B4GALT6: variants seen among roughly 807,000 people sequenced by gnomAD.
B4GALT6 encodes UDP-Gal:beta-GlcNAc beta-1,4-galactosyltransferase 6.
In B4GALT6, 14 loss-of-function variants were observed where a neutral mutation model predicts 46.3. The observed-to-expected ratio is 0.30, with a 90% CI of 0.20 to 0.47. The LOEUF is 0.47. Ranked by LOEUF, B4GALT6 falls within the 20% of genes least tolerant of loss-of-function variation. B4GALT6 has a pLI of 0.99. For synonymous variants in B4GALT6, 168 were observed against 162.0 expected, an observed-to-expected ratio of 1.04 and a Z score of -0.28; for missense variants, 386 against 480.1, an observed-to-expected ratio of 0.80 and a Z score of 1.83.
intron 1 of B4GALT6, among the ~76,000 whole-genome samples, chr18:31,683,695 C>G (rs1489024137): frequency 2.0e-5 from 3 of 152,132 alleles, no homozygotes; most frequent in Non-Finnish European, 4.4e-5. Context: ...GTCATCCTAA[C>G]AGGTAGCAAA....
the B4GALT6 span, among the ~76,000 whole-genome samples, chr18:31,708,819 A>G: frequency 3.9e-5 from 6 of 152,140 alleles, no homozygotes; most frequent in Non-Finnish European, 7.4e-5. Flanking sequence ...GGTGATGGCA[A>G]TGGGGGAGAG....
rs2144649463 is a variant in B4GALT6, at chr18:31,658,289, T to C, written c.233-200A>G. ...TCTCAGCATGATTTCCCAAGAGACATCTAGAGAGCAGCACACCCTTATCCT... is the reference window on the plus strand; with the variant it reads ...TCTCAGCATGATTTCCCAAGAGACACCTAGAGAGCAGCACACCCTTATCCT... On this transcript the variant is annotated intron_variant, in intron 2 of 8. Transcript: ENST00000306851. 8.3e-6 allele frequency: 4 copies of C among 481,238 alleles called. No homozygotes were observed. The East Asian group carries it at 1.4e-4, about 17-fold the overall frequency. The allele number at this position is 481,238 out of a possible 1,614,324, so 29.8% of individuals were successfully genotyped here. A position where few individuals can be genotyped will look rare whatever the true frequency, so the allele number is the denominator to read the frequency against.
chr18:31,626,094 C>T (rs371815553), intron 8 of B4GALT6, among the ~76,000 whole-genome samples, 189 bp downstream of exon 8: 134 of 152,226 alleles, frequency 8.8e-4, no homozygotes, highest in Non-Finnish European at 1.4e-3. Context: ...TGTATATATA[C>T]GTATATCTCT....
At chr18:31,646,281 G>T (rs753568101) in intron 3 of B4GALT6, among the ~76,000 whole-genome samples, 1 of 152,206 alleles carries the variant, frequency 6.6e-6, no homozygotes, top group Non-Finnish European at 1.5e-5. Context: ...ATTACTGGAG[G>T]TGTTCTTACT....
At chr18:31,696,988 C>T in the B4GALT6 span, among the ~76,000 whole-genome samples, 1 of 152,244 alleles carries the variant, frequency 6.6e-6, no homozygotes, top group Admixed American at 6.5e-5. Context: ...CCAGCTAGGC[C>T]AGGCGCGGTG....
At chr18:31,716,916 A>G in the B4GALT6 span, among the ~76,000 whole-genome samples, 3 of 152,216 alleles carry the variant, frequency 2.0e-5, no homozygotes, top group Admixed American at 6.5e-5. Context: ...CCCGGCCAAC[A>G]TGGTGAAACC....
the B4GALT6 span, among the ~76,000 whole-genome samples, chr18:31,719,579 G>C: frequency 1.3e-5 from 2 of 152,178 alleles, no homozygotes; most frequent in Non-Finnish European, 2.9e-5. Flanking sequence ...AAGACAGGGG[G>C]ATTTCAATAG....
At chr18:31,665,655 T>G (rs2074273867) in intron 2 of B4GALT6, among the ~76,000 whole-genome samples, 2 of 152,162 alleles carry the variant, frequency 1.3e-5, no homozygotes, top group East Asian at 3.9e-4. Flanking sequence ...GGCGTGAGAA[T>G]GGCGTGAACC....
the B4GALT6 span, among the ~76,000 whole-genome samples, chr18:31,709,425 C>T: frequency 0.045 from 5,977 of 131,546 alleles, 432 homozygotes; most frequent in African/African-American, 0.17. Context: ...GAACATTCTG[C>T]AATTCATACA....
the B4GALT6 span, among the ~76,000 whole-genome samples, chr18:31,721,492 G>A: frequency 6.6e-6 from 1 of 152,212 alleles, no homozygotes; most frequent in African/African-American, 2.4e-5. Flanking sequence ...AACTTGACTA[G>A]GCAAGGGTGT....
chr18:31,652,285 T>C (rs1309681817), intron 3 of B4GALT6, among the ~76,000 whole-genome samples: 1 of 152,210 alleles, frequency 6.6e-6, no homozygotes, highest in African/African-American at 2.4e-5. Flanking sequence ...TTTTACTGAA[T>C]TCGTGCTTGC....
At chr18:31,709,434 CATATATATATAT>C in the B4GALT6 span, among the ~76,000 whole-genome samples, 2 of 130,974 alleles carry the variant, frequency 1.5e-5, no homozygotes, top group African/African-American at 6.0e-5. Context: ...GCAATTCATA[CATATATATATAT>C]ATATATATAT....
At chr18:31,661,234 T>C (rs2074211734) in intron 2 of B4GALT6, among the ~76,000 whole-genome samples, 1 of 152,150 alleles carries the variant, frequency 6.6e-6, no homozygotes, top group Admixed American at 6.5e-5. Flanking sequence ...GGGATAAGGA[T>C]AGGAAAAATT....
chr18:31,637,473 A>T (rs1478348489), intron 5 of B4GALT6, among the ~76,000 whole-genome samples: 3 of 151,020 alleles, frequency 2.0e-5, no homozygotes, highest in African/African-American at 7.4e-5. Context: ...ATCCTACAAC[A>T]AAAACAGTCA....
the B4GALT6 span, among the ~76,000 whole-genome samples, chr18:31,713,337 G>A: frequency 9.2e-5 from 14 of 152,200 alleles, no homozygotes; most frequent in Non-Finnish European, 1.8e-4. Context: ...GGGCAATAGC[G>A]TGAGATTCCA....
chr18:31,673,261 T>TG (rs1387368429), intron 1 of B4GALT6, among the ~76,000 whole-genome samples: 1 of 151,188 alleles, frequency 6.6e-6, no homozygotes, highest in Non-Finnish European at 1.5e-5. Flanking sequence ...GTCAAGCAGA[T>TG]GGAGAGTTTA....
At chr18:31,710,485 T>G in the B4GALT6 span, among the ~76,000 whole-genome samples, 1 of 152,266 alleles carries the variant, frequency 6.6e-6, no homozygotes, top group East Asian at 1.9e-4. Flanking sequence ...CAACTATCCT[T>G]ACATCAGAGG....
chr18:31,711,185 C>T, the B4GALT6 span, among the ~76,000 whole-genome samples: 1 of 152,200 alleles, frequency 6.6e-6, no homozygotes, highest in Non-Finnish European at 1.5e-5. Flanking sequence ...TTCTCCCTGT[C>T]TGCTCTCTTG....
intron 3 of B4GALT6, among the ~76,000 whole-genome samples, chr18:31,657,505 T>C (rs984634866): frequency 2.6e-5 from 4 of 152,178 alleles, no homozygotes; most frequent in Non-Finnish European, 5.9e-5. Flanking sequence ...AGAAAACAAT[T>C]TTCATAACCG....
Sources: allele counts gnomAD v4.1 joint callset (sites outside exome capture counted in the v4.1 genomes callset), GRCh38; gene constraint gnomAD v4.1.1; transcripts MANE v1.5; gene names NCBI Gene and HGNC (gene_info 2026-07-23, HGNC 2026-07-21).